CLTC: variants seen among roughly 807,000 people sequenced by gnomAD.
CLTC encodes clathrin heavy chain, also known as clathrin heavy chain 1.
A neutral mutation model predicts 195.8 loss-of-function variants in CLTC; 16 were observed. That is an observed-to-expected ratio of 0.08 (90% CI 0.06 to 0.12). The LOEUF is 0.12. Among genes scored for constraint, CLTC ranks in the 10% least tolerant of loss-of-function variants. The pLI is 1.00. For missense variants in CLTC, 796 were observed against 2,027.0 expected (o/e 0.39, Z 11.66); for synonymous variants, 667 against 689.4 (o/e 0.97, Z 0.51).
chr17:59,681,579 G>C lies in CLTC; in HGVS notation c.3250-68G>C. 6.4e-7 allele frequency: 1 copy of C among 1,572,134 alleles called. No individual in the cohort carries two copies. The highest frequency in any genetic ancestry group is 2.3e-5 in the East Asian group (1 of 44,430). ...ATAGAGCAGCAATAAAATACTAACAGCTTAAATGTAATTGCTTTGGGTAGG... is the reference window on the plus strand; with the variant it reads ...ATAGAGCAGCAATAAAATACTAACACCTTAAATGTAATTGCTTTGGGTAGG... On this transcript the variant is annotated intron_variant, in intron 20 of 31. Transcript: ENST00000269122. The surrounding 1 kb of genome is among the most constrained non-coding windows in gnomAD (Gnocchi z 5.0).
At chr17:59,687,097 C>G (rs1008228203) in intron 30 of CLTC, 2 of 728,204 alleles carry the variant, frequency 2.7e-6, no homozygotes, top group Non-Finnish European at 3.4e-6. Context: ...TTTCCTTCCT[C>G]TTCTACACTG....
chr17:59,661,251 A>G (rs575186675), intron 7 of CLTC, among the ~76,000 whole-genome samples, 192 bp from the exon 8 acceptor site: 1 of 152,048 alleles, frequency 6.6e-6, no homozygotes, highest in East Asian at 1.9e-4. Flanking sequence ...GTGACTAAAT[A>G]TTTACTCCAG....
chr17:59,662,689 A>G (rs1352472385), intron 8 of CLTC, among the ~76,000 whole-genome samples: 1 of 152,212 alleles, frequency 6.6e-6, no homozygotes, highest in African/African-American at 2.4e-5. Flanking sequence ...AAGATACCAG[A>G]GAATACTACA....
intron 16 of CLTC, among the ~76,000 whole-genome samples, chr17:59,675,770 G>C (rs2032952678): frequency 6.6e-6 from 1 of 152,150 alleles, no homozygotes; most frequent in Admixed American, 6.5e-5. Context: ...GGCAGTTACA[G>C]TTAGATAATT....
At chr17:59,679,564 A>G in intron 18 of CLTC, 45 bp downstream of exon 18, 1 of 1,515,792 alleles carries the variant, frequency 6.6e-7, no homozygotes, top group African/African-American at 1.4e-5. Context: ...AAAATTATAC[A>G]TTTTTAACTA....
chr17:59,684,139 C>G (rs2033130654), intron 28 of CLTC, 154 bp downstream of exon 28: 1 of 577,018 alleles, frequency 1.7e-6, no homozygotes, highest in Non-Finnish European at 3.1e-6. Context: ...GATAAATCTT[C>G]TAATTAAGTG....
At chr17:59,653,501 C>G (rs2032382620) in intron 5 of CLTC, among the ~76,000 whole-genome samples, 2 of 150,190 alleles carry the variant, frequency 1.3e-5, no homozygotes, top group Non-Finnish European at 3.0e-5. Context: ...CCTCCTCTCC[C>G]TCTCCTTCTG....
At chr17:59,647,900 C>T (rs968475201) in intron 3 of CLTC, among the ~76,000 whole-genome samples, 1 of 151,978 alleles carries the variant, frequency 6.6e-6, no homozygotes, top group South Asian at 2.1e-4. Flanking sequence ...TCTTACCAAG[C>T]GTTTTTAGCT....
chr17:59,671,727 G>A (rs1177828292), intron 14 of CLTC, among the ~76,000 whole-genome samples: 1 of 151,998 alleles, frequency 6.6e-6, no homozygotes, highest in Non-Finnish European at 1.5e-5. Context: ...ACACTGGCCT[G>A]CTAGCTATTC....
intron 5 of CLTC, 105 bp downstream of exon 5, chr17:59,651,421 T>A: frequency 2.5e-6 from 2 of 801,180 alleles, no homozygotes; most frequent in Non-Finnish European, 4.1e-6. Context: ...CTTAAAAGAA[T>A]ACTTTTTTAA....
At chr17:59,688,695 C>T (rs2143609441) in intron 30 of CLTC, among the ~76,000 whole-genome samples, 1 of 152,302 alleles carries the variant, frequency 6.6e-6, no homozygotes, top group Non-Finnish European at 1.5e-5. Flanking sequence ...GTGATATTGC[C>T]AGCTCTTCTA....
In CLTC at chr17:59,682,592, A is replaced by G. The variant is rs781447916; in HGVS notation, c.3601-37A>G. 6.2e-7 allele frequency: 1 copy of G among 1,610,034 alleles called. No individual in the cohort carries two copies. Among genetic ancestry groups the G allele is most frequent in the African/African-American group, 1.3e-5 (1 of 74,870 alleles). On this transcript the variant is annotated intron_variant, in intron 22 of 31. Coordinates refer to ENST00000269122, the MANE Select transcript of CLTC (RefSeq NM_004859.4). This position sits in a 1 kb window ranked among gnomAD's most constrained non-coding sequence, Gnocchi z 6.8. ...TGAAAAGAGGATTAAGCTCACACTA[A>G]TATCTTGCTGAATGTGGGTTACCTT...
chr17:59,628,540 ACT>A (rs1471917362), intron 1 of CLTC, among the ~76,000 whole-genome samples: 1 of 151,610 alleles, frequency 6.6e-6, no homozygotes, highest in South Asian at 2.1e-4. Context: ...GTTACACCAG[ACT>A]CTCTAATTTC....
chr17:59,627,732 A>G (rs1327412158), intron 1 of CLTC, among the ~76,000 whole-genome samples: 7 of 152,186 alleles, frequency 4.6e-5, no homozygotes, highest in Non-Finnish European at 8.8e-5. Flanking sequence ...GTGCAGGATG[A>G]TTGGGATCCG....
intron 14 of CLTC, among the ~76,000 whole-genome samples, chr17:59,672,038 T>G (rs1270650606): frequency 1.3e-5 from 2 of 152,160 alleles, no homozygotes; most frequent in African/African-American, 4.8e-5. Context: ...GTCTGATACT[T>G]GGGTACTCAT....
chr17:59,648,357 T>A lies in CLTC; in HGVS notation c.637T>A (p.Ser213Thr). Residue 213 changes from serine to threonine, a missense_variant, in exon 4 of 32, where the codon TCA becomes ACA. Physicochemically the swap from Ser to Thr is moderately conservative, Grantham distance 58. Transcript: ENST00000269122. The surrounding 1 kb of genome is among the most constrained non-coding windows in gnomAD (Gnocchi z 4.5). ...QFKMEGNAEE[S>T]TLFCFAVRGQ... Reference sequence around the variant, plus strand: ...TAAGATGGAAGGAAATGCAGAAGAATCAACGTTATTTTGTTTTGCAGTTCG... The same window carrying A: ...TAAGATGGAAGGAAATGCAGAAGAAACAACGTTATTTTGTTTTGCAGTTCG... 1 of 1,614,068 alleles carries A rather than the reference T, an allele frequency of 6.2e-7. No individual in the cohort carries two copies. The highest frequency in any genetic ancestry group is 8.5e-7 in the Non-Finnish European group (1 of 1,179,964).
chr17:59,627,742 G>A (rs1408675777), intron 1 of CLTC, among the ~76,000 whole-genome samples: 5 of 152,094 alleles, frequency 3.3e-5, no homozygotes, highest in Admixed American at 6.5e-5. Flanking sequence ...ATTGGGATCC[G>A]GTTAACTTGT....
At chr17:59,690,507 T>C in intron 30 of CLTC, 129 bp from the exon 31 acceptor site, 2 of 618,248 alleles carry the variant, frequency 3.2e-6, no homozygotes, top group South Asian at 4.3e-5. Flanking sequence ...TGAGGGGGAC[T>C]GAGAATGTTC....
At chr17:59,631,680 T>C (rs560826055) in intron 1 of CLTC, among the ~76,000 whole-genome samples, 25 of 152,252 alleles carry the variant, frequency 1.6e-4, no homozygotes, top group Non-Finnish European at 3.2e-4. Context: ...TAAAAAGATT[T>C]TGAATTTAGG....
Sources: gnomAD v4.1 joint callset for allele counts (sites outside exome capture counted in the v4.1 genomes callset) on GRCh38, gnomAD v4.1.1 for gene constraint, Gnocchi (gnomAD v3.1) non-coding constraint, MANE v1.5 for transcripts, NCBI Gene and HGNC (gene_info 2026-07-23, HGNC 2026-07-21) for gene names.